The following PLS1 variants were observed in gnomAD, a reference collection of about 807,000 sequenced individuals.
PLS1 encodes plastin 1.
In PLS1, 32 loss-of-function variants were observed where a neutral mutation model predicts 73.7. The ratio of observed to expected loss-of-function variants is 0.43; its 90% confidence interval spans 0.33 to 0.58. PLS1 has a LOEUF of 0.58. Among genes scored for constraint, PLS1 ranks in the 20% least tolerant of loss-of-function variants. PLS1 has a pLI of 0.04. For missense variants in PLS1, 633 were observed against 740.5 expected (o/e 0.85, Z 1.68); for synonymous variants, 217 against 261.3 (o/e 0.83, Z 1.63).
At chr3:142,632,445 G>A (rs1292556937) in intron 1 of PLS1, among the ~76,000 whole-genome samples, 1 of 152,198 alleles carries the variant, frequency 6.6e-6, no homozygotes, top group Admixed American at 6.5e-5. Flanking sequence ...TTGCTGAGGG[G>A]ATGCAGAGTG....
chr3:142,707,218 G>A (rs78500380), intron 14 of PLS1, among the ~76,000 whole-genome samples: 3,427 of 152,292 alleles, frequency 0.023, 59 homozygotes, highest in East Asian at 0.065. Flanking sequence ...TAGTTGAGGT[G>A]AGGGAGGTAT....
intron 2 of PLS1, among the ~76,000 whole-genome samples, chr3:142,665,648 A>G (rs1475204210): frequency 6.6e-6 from 1 of 152,192 alleles, no homozygotes; most frequent in African/African-American, 2.4e-5. Flanking sequence ...AGCTTGAATA[A>G]AAGTTCTACC....
intron 1 of PLS1, among the ~76,000 whole-genome samples, chr3:142,625,492 G>T (rs1446256381): frequency 6.6e-6 from 1 of 152,074 alleles, no homozygotes. Flanking sequence ...TGAGGTGGGA[G>T]GTCGAGATGC....
At chr3:142,697,627 A>T (rs540888826) in intron 11 of PLS1, among the ~76,000 whole-genome samples, 13 of 152,288 alleles carry the variant, frequency 8.5e-5, no homozygotes, top group African/African-American at 3.1e-4. Flanking sequence ...ATACATAGAG[A>T]TCTACCTTAT....
intron 4 of PLS1, among the ~76,000 whole-genome samples, chr3:142,671,697 T>C (rs1055827208): frequency 6.6e-6 from 1 of 152,196 alleles, no homozygotes; most frequent in Non-Finnish European, 1.5e-5. Context: ...ATGAGGTGTC[T>C]TCCCCGTGTT....
chr3:142,684,679 G>A (rs1441614359), intron 8 of PLS1, among the ~76,000 whole-genome samples: 5 of 152,200 alleles, frequency 3.3e-5, no homozygotes. Flanking sequence ...TTATGCCTGA[G>A]ATCTGCTAGA....
intron 6 of PLS1, among the ~76,000 whole-genome samples, chr3:142,678,725 A>G (rs1214450555): frequency 6.6e-6 from 1 of 151,778 alleles, no homozygotes; most frequent in Non-Finnish European, 1.5e-5. Flanking sequence ...TACTGCTGCA[A>G]TAAACATACG....
chr3:142,653,796 A>G (rs753333127), intron 1 of PLS1, among the ~76,000 whole-genome samples: 1 of 152,188 alleles, frequency 6.6e-6, no homozygotes, highest in South Asian at 2.1e-4. Flanking sequence ...AGATGATTCT[A>G]ATTTGTTCAT....
chr3:142,671,895 G>A (rs1377011127), intron 4 of PLS1, among the ~76,000 whole-genome samples: 4 of 151,798 alleles, frequency 2.6e-5, no homozygotes, highest in African/African-American at 9.7e-5. Context: ...TTCCTCTAGC[G>A]ATACACTCAA....
At chr3:142,622,304 G>A (rs9862919) in intron 1 of PLS1, among the ~76,000 whole-genome samples, 96,898 of 151,646 alleles carry the variant, frequency 0.64, 32,520 homozygotes, top group African/African-American at 0.86. Context: ...AAAGTGGACA[G>A]CCGGCAGTGT....
rs41265481 is a variant in PLS1, at chr3:142,686,349, C to T, written c.954C>T (p.Ala318=). 8,722 of 1,607,978 alleles carry T rather than the reference C, an allele frequency of 5.4e-3. 35 individuals are homozygous for T. The highest frequency in any genetic ancestry group is 6.6e-3 in the Non-Finnish European group (7,745 of 1,174,418). The change falls in exon 9 of 16, where the codon GCC becomes GCT. Residue 318 remains alanine, a synonymous_variant. Transcript: ENST00000457734. ...IAPKGGEDGP[A]IAIDLSGINE... ...CTAAAGGTGGGGAAGATGGACCTGC[C>T]ATTGCCATTGACCTTTCAGGAATTA... is the stretch of plus-strand genomic sequence containing the variant.
chr3:142,598,062 A>AG (rs2035843592), intron 1 of PLS1, among the ~76,000 whole-genome samples: 1 of 152,166 alleles, frequency 6.6e-6, no homozygotes, highest in Non-Finnish European at 1.5e-5. Context: ...TGCAAGGTGT[A>AG]GCTCAGGTGT....
intron 1 of PLS1, among the ~76,000 whole-genome samples, chr3:142,629,032 CTTGTTTCAAGT>C (rs1190748378): frequency 6.6e-6 from 1 of 152,172 alleles, no homozygotes; most frequent in Non-Finnish European, 1.5e-5. Flanking sequence ...GTTCCTCACA[CTTGTTTCAAGT>C]TTGTTTCAAT....
At chr3:142,666,244 C>T (rs1012517880) in intron 2 of PLS1, among the ~76,000 whole-genome samples, 4 of 152,300 alleles carry the variant, frequency 2.6e-5, no homozygotes, top group African/African-American at 4.8e-5. Context: ...AGTACATTCA[C>T]ATTGTTCTAC....
chr3:142,666,445 C>T (rs867881290), intron 2 of PLS1, among the ~76,000 whole-genome samples: 3 of 152,200 alleles, frequency 2.0e-5, no homozygotes, highest in South Asian at 2.1e-4. Context: ...TCCTCATCAA[C>T]AGCTTCATCC....
chr3:142,673,954 G>A (rs2037665836), intron 4 of PLS1: 1 of 152,154 alleles, frequency 6.6e-6, no homozygotes, highest in African/African-American at 2.4e-5. Flanking sequence ...CATCCTAGTG[G>A]TTGTGATGTG....
At chr3:142,607,269 CTAT>C (rs1391036400) in intron 1 of PLS1, among the ~76,000 whole-genome samples, 2 of 148,762 alleles carry the variant, frequency 1.3e-5, no homozygotes, top group African/African-American at 5.1e-5. Context: ...TACTGTTACC[CTAT>C]TATTAACATA....
At chr3:142,606,661 C>T (rs914152996) in intron 1 of PLS1, among the ~76,000 whole-genome samples, 20 of 152,148 alleles carry the variant, frequency 1.3e-4, no homozygotes, top group African/African-American at 4.6e-4. Flanking sequence ...ATATATTTGC[C>T]TATTCTTGAA....
intron 14 of PLS1, among the ~76,000 whole-genome samples, chr3:142,707,614 C>G (rs2038490252): frequency 1.3e-5 from 2 of 152,126 alleles, no homozygotes; most frequent in South Asian, 4.1e-4. Flanking sequence ...GTTGTATGGC[C>G]CTGGGTTGAC....
Sources: allele counts gnomAD v4.1 joint callset (sites outside exome capture counted in the v4.1 genomes callset), GRCh38; gene constraint gnomAD v4.1.1; transcripts MANE v1.5; gene names NCBI Gene and HGNC (gene_info 2026-07-23, HGNC 2026-07-21).